Variants in FAM20A observed in about 807,000 individuals in gnomAD.
FAM20A encodes the protein FAM20A golgi associated secretory pathway pseudokinase.
In FAM20A, 42 loss-of-function variants were observed where a neutral mutation model predicts 52.0. The observed-to-expected ratio is 0.81, with a 90% CI of 0.63 to 1.04. The LOEUF is 1.04. FAM20A is among the 50% of genes least tolerant of loss of function. The probability of loss-of-function intolerance (pLI) is 0.00; values close to 1 mark genes in which losing one functional copy is unlikely to be tolerated. For missense variants in FAM20A, 742 were observed against 712.7 expected, an observed-to-expected ratio of 1.04 and a Z score of -0.47; for synonymous variants, 304 against 298.9, an observed-to-expected ratio of 1.02 and a Z score of -0.18.
intron 1 of FAM20A, among the ~76,000 whole-genome samples, chr17:68,567,576 G>A (rs2087412656): frequency 6.6e-6 from 1 of 151,888 alleles, no homozygotes; most frequent in Admixed American, 6.5e-5. Flanking sequence ...GTGAGGACAG[G>A]GGAGGAAGAA....
rs1479687504 is a variant in FAM20A at position 68,536,303 on chromosome 17, AT to A, written c.*1173del. 25 of 454,050 alleles carry A rather than the reference AT, an allele frequency of 5.5e-5. No homozygotes were observed. The highest frequency in any genetic ancestry group is 4.4e-4 in the African/African-American group (22 of 50,104). 28.1% of individuals were successfully genotyped at this position (454,050 alleles called of 1,614,324 possible). A position where few individuals can be genotyped will look rare whatever the true frequency, so the allele number is the denominator to read the frequency against. Reference sequence around the variant, plus strand: ...AAAAGTTGATTTGATGAAATGAGGCATTTTTACTTTTGTTGACTGACTAGTC... The same window carrying A: ...AAAAGTTGATTTGATGAAATGAGGCATTTTACTTTTGTTGACTGACTAGTC... On this transcript the variant is annotated 3_prime_UTR_variant, in exon 11 of 11. Coordinates refer to ENST00000592554, the MANE Select transcript of FAM20A (RefSeq NM_017565.4).
chr17:68,567,872 G>C (rs1041460044), intron 1 of FAM20A, among the ~76,000 whole-genome samples: 1 of 151,900 alleles, frequency 6.6e-6, no homozygotes, highest in Non-Finnish European at 1.5e-5. Context: ...GCACTTCCTT[G>C]TTCTTGCACT....
rs546513968 is a variant in FAM20A, at chr17:68,560,839, G to C, written c.405-5096C>G. 2.6e-5 allele frequency among the ~76,000 whole-genome samples: 4 copies of C among 152,352 alleles called. No homozygotes were observed. In the South Asian group the frequency reaches 8.3e-4, roughly 32 times the overall value. On this transcript the variant is annotated intron_variant, in intron 1 of 10. Coordinates refer to ENST00000592554, the MANE Select transcript of FAM20A (RefSeq NM_017565.4). The stretch of plus-strand genomic sequence containing the variant: ...CTATATTCAAGAAGCTTTGCCAACA[G>C]TGTAGTGACACTTCTTGATCCTTGT...
At chr17:68,567,690 G>C (rs1427439683) in intron 1 of FAM20A, among the ~76,000 whole-genome samples, 3 of 151,986 alleles carry the variant, frequency 2.0e-5, no homozygotes, top group Admixed American at 1.3e-4. Context: ...CTGAGCCTTT[G>C]TACTCTGATA....
Position 68,539,371 on chromosome 17 carries a change from T to C in FAM20A, c.1327A>G (p.Ile443Val), listed in dbSNP as rs200391198. The change falls in exon 10 of 11, where the codon ATC becomes GTC. Residue 443 changes from isoleucine to valine, a missense_variant. Ile to Val is a conservative substitution (Grantham distance 29). Coordinates refer to ENST00000592554, the MANE Select transcript of FAM20A (RefSeq NM_017565.4). ...RGFGRHSHDE[I>V]SILSPLSQCC... Reference sequence around the variant, plus strand: ...TGGGAGAGAGGCGAGAGGATGGAGATTTCATCATGGGAGTGTCGTCCGAAC... The same window carrying C: ...TGGGAGAGAGGCGAGAGGATGGAGACTTCATCATGGGAGTGTCGTCCGAAC... 2 of 1,613,920 alleles carry C rather than the reference T, an allele frequency of 1.2e-6. No homozygotes were observed. The highest frequency in any genetic ancestry group is 2.2e-5 in the East Asian group (1 of 44,856).
At position 68,535,857 on chromosome 17, in the gene FAM20A, T is replaced by C. The variant is rs950017042; in HGVS notation, c.*1620A>G. 3.1e-5 allele frequency: 14 copies of C among 453,810 alleles called. No individual in the cohort carries two copies. Among genetic ancestry groups the C allele is most frequent in the Admixed American group, 1.4e-4 (6 of 42,528 alleles). 28.1% of individuals were successfully genotyped at this position (453,810 alleles called of 1,614,324 possible). Reference sequence around the variant, plus strand: ...TGACTTCATAAATTGGGTGGGATACTGTTGGGTTTTGTGTTACAGTGAAAA... The same window carrying C: ...TGACTTCATAAATTGGGTGGGATACCGTTGGGTTTTGTGTTACAGTGAAAA... On this transcript the variant is annotated 3_prime_UTR_variant, in exon 11 of 11. Coordinates refer to ENST00000592554, the MANE Select transcript of FAM20A (RefSeq NM_017565.4).
intron 1 of FAM20A, among the ~76,000 whole-genome samples, chr17:68,575,541 T>G (rs1205367319): frequency 9.0e-6 from 1 of 111,204 alleles, no homozygotes; most frequent in East Asian, 2.1e-4. Flanking sequence ...ATATATTTTA[T>G]ATATTATATA....
chr17:68,558,529 A>G (rs1406819760), intron 1 of FAM20A: 5 of 201,246 alleles, frequency 2.5e-5, no homozygotes, highest in Non-Finnish European at 5.3e-5. Context: ...GGCATATGGC[A>G]CCTCCCCGCT....
intron 1 of FAM20A, among the ~76,000 whole-genome samples, chr17:68,581,423 T>TTTCTTTC (rs1555832192): frequency 1.1e-5 from 1 of 90,874 alleles, no homozygotes; most frequent in East Asian, 4.3e-4. Flanking sequence ...TCTTTTTCTC[T>TTTCTTTC]TTTCTTTCTT....
Position 68,600,000 on chromosome 17 carries a change from GA to G in FAM20A, c.404+262del, listed in dbSNP as rs543236501. On this transcript the variant is annotated intron_variant, in intron 1 of 10. Transcript: ENST00000592554. ...CAACGACGACCCAGGCGCTCAAGGG[GA>G]AGGGGCTGAGAGCGTTTCTTCGCTG... is the stretch of plus-strand genomic sequence containing the variant. Among the ~76,000 whole-genome samples, 443 of 152,306 alleles carry G rather than the reference GA, an allele frequency of 2.9e-3. 2 individuals are homozygous for G. Among genetic ancestry groups the G allele is most frequent in the African/African-American group, 0.01 (416 of 41,574 alleles).
At chr17:68,548,936 G>A (rs2086703316) in intron 4 of FAM20A, among the ~76,000 whole-genome samples, 1 of 151,730 alleles carries the variant, frequency 6.6e-6, no homozygotes, top group South Asian at 2.1e-4. Context: ...GTTTCACCGT[G>A]TTAGCCAGGA....
intron 1 of FAM20A, among the ~76,000 whole-genome samples, chr17:68,577,267 T>C (rs914751019): frequency 6.6e-6 from 1 of 152,208 alleles, no homozygotes; most frequent in African/African-American, 2.4e-5. Context: ...TCCCCTCTAT[T>C]CTGCATGGTA....
chr17:68,599,851 C>T lies in FAM20A; in HGVS notation c.404+412G>A, dbSNP rs568369600. Among the ~76,000 whole-genome samples the T allele has an allele frequency of 1.1e-4, 16 of 152,222 alleles. 1 individual carries two copies. In the South Asian group the frequency reaches 2.7e-3, roughly 26 times the overall value. On this transcript the variant is annotated intron_variant, in intron 1 of 10. Coordinates refer to ENST00000592554, the MANE Select transcript of FAM20A (RefSeq NM_017565.4). The stretch of plus-strand genomic sequence containing the variant: ...GAATTTCAACTAGCTCTGGAGTCAC[C>T]CTGTTTGGGGCCTCATTCTGGAAAC...
At chr17:68,572,802 C>T (rs1190462415) in intron 1 of FAM20A, among the ~76,000 whole-genome samples, 2 of 152,178 alleles carry the variant, frequency 1.3e-5, no homozygotes, top group East Asian at 3.8e-4. Context: ...CGCTCCATCT[C>T]ATGGGCTCAA....
At chr17:68,567,717 C>G (rs1367741573) in intron 1 of FAM20A, among the ~76,000 whole-genome samples, 1 of 151,958 alleles carries the variant, frequency 6.6e-6, no homozygotes, top group East Asian at 1.9e-4. Context: ...GGTTCTGTGT[C>G]CCCACCCAAA....
intron 2 of FAM20A, 108 bp downstream of exon 2, chr17:68,555,451 G>T: frequency 8.5e-7 from 1 of 1,181,466 alleles, no homozygotes; most frequent in Non-Finnish European, 1.3e-6. Flanking sequence ...TCTCTCAGGT[G>T]TCCATGTCAA....
intron 7 of FAM20A, chr17:68,541,309 C>G (rs1252099209): frequency 1.5e-5 from 5 of 330,798 alleles, no homozygotes; most frequent in Non-Finnish European, 2.9e-5. Flanking sequence ...CCCTGCGCCA[C>G]TCATAGCACC....
intron 1 of FAM20A, among the ~76,000 whole-genome samples, chr17:68,572,060 G>A (rs1371203661): frequency 1.3e-4 from 17 of 126,460 alleles, no homozygotes; most frequent in African/African-American, 5.0e-4. Context: ...GAATATAGGT[G>A]CATTCCACTA....
Position 68,535,363 on chromosome 17 carries a change from A to G in FAM20A, c.*2114T>C, listed in dbSNP as rs1387473991. ...GTAGAGTGCAGCAAAATGTGTATATAGGCCATTGGAAAACCAGTCCTTCGT... is the reference window on the plus strand; with the variant it reads ...GTAGAGTGCAGCAAAATGTGTATATGGGCCATTGGAAAACCAGTCCTTCGT... On this transcript the variant is annotated 3_prime_UTR_variant, in exon 11 of 11. Coordinates refer to ENST00000592554, the MANE Select transcript of FAM20A (RefSeq NM_017565.4). The G allele has an allele frequency of 2.2e-6, 1 of 454,136 alleles. No individual in the cohort carries two copies. The highest frequency in any genetic ancestry group is 4.4e-6 in the Non-Finnish European group (1 of 226,786). 28.1% of individuals were successfully genotyped at this position (454,136 alleles called of 1,614,324 possible). A position where few individuals can be genotyped will look rare whatever the true frequency, so the allele number is the denominator to read the frequency against.
Sources: allele counts gnomAD v4.1 joint callset (sites outside exome capture counted in the v4.1 genomes callset), GRCh38; gene constraint gnomAD v4.1.1; transcripts MANE v1.5; gene names NCBI Gene and HGNC (gene_info 2026-07-23, HGNC 2026-07-21).